The following ACYP2 variants were observed in gnomAD, a reference collection of about 807,000 sequenced individuals.
ACYP2 encodes the protein acylphosphatase 2.
Under a neutral mutation model 11.2 loss-of-function variants are expected in ACYP2, and 12 were observed. The observed-to-expected ratio is 1.08, with a 90% confidence interval of 0.69 to 1.74. The LOEUF is 1.74. Ranked by LOEUF, ACYP2 falls within the 40% of genes most tolerant of loss-of-function variation. The pLI, the probability that ACYP2 is intolerant of heterozygous loss-of-function variation, is 0.00. For synonymous variants in ACYP2, 43 were observed against 32.2 expected (o/e 1.33, Z -1.13); for missense variants, 134 against 101.9 (o/e 1.31, Z -1.35).
chr2:54,181,566 C>T (rs938451856), intron 6 of ACYP2, among the ~76,000 whole-genome samples: 9 of 152,140 alleles, frequency 5.9e-5, no homozygotes, highest in Non-Finnish European at 1.0e-4. Context: ...TATTAATTTC[C>T]TGTTAACTTT....
intron 6 of ACYP2, among the ~76,000 whole-genome samples, chr2:54,266,149 A>G (rs953936836): frequency 1.3e-5 from 2 of 152,242 alleles, no homozygotes; most frequent in African/African-American, 4.8e-5. Flanking sequence ...CAAAATAACA[A>G]TAATGGAAAC....
chr2:54,203,971 C>T (rs2103916313), intron 6 of ACYP2, among the ~76,000 whole-genome samples: 1 of 152,216 alleles, frequency 6.6e-6, no homozygotes, highest in East Asian at 1.9e-4. Context: ...TGTCTTAAAA[C>T]ATTATGAGGT....
chr2:54,071,021 G>T (rs770656247), intron 4 of ACYP2, among the ~76,000 whole-genome samples: 1 of 151,862 alleles, frequency 6.6e-6, no homozygotes, highest in Non-Finnish European at 1.5e-5. Context: ...CAAAGTGCTG[G>T]GATTACAGGC....
chr2:54,000,134 A>G (rs1672736244), intron 2 of ACYP2, among the ~76,000 whole-genome samples: 3 of 151,566 alleles, frequency 2.0e-5, no homozygotes, highest in Admixed American at 2.0e-4. Context: ...AAATTATATT[A>G]TTTTACTAAG....
chr2:54,019,431 C>T (rs1673878424), intron 2 of ACYP2, among the ~76,000 whole-genome samples: 1 of 151,694 alleles, frequency 6.6e-6, no homozygotes, highest in South Asian at 2.1e-4. Flanking sequence ...GGCTGGAATG[C>T]AGTGGTGCAA....
chr2:54,197,853 C>T lies in ACYP2; in HGVS notation c.404+59105C>T, dbSNP rs1345375119. Among the ~76,000 whole-genome samples, 4 of 152,146 alleles carry T rather than the reference C, an allele frequency of 2.6e-5. No homozygotes were observed. In the East Asian group the frequency reaches 7.7e-4, roughly 29 times the overall value. ...ATTTTATTGTGCGTACTTCTTCCTA[C>T]ACTGGAGGGTTTTAAGCAGGGTTCA... On this transcript the variant is annotated intron_variant, in intron 6 of 6. Coordinates refer to ENST00000607452, the MANE Select transcript of ACYP2 (RefSeq NM_001320586.2).
At chr2:54,052,052 A>G (rs1332121763) in intron 3 of ACYP2, among the ~76,000 whole-genome samples, 4 of 132,924 alleles carry the variant, frequency 3.0e-5, no homozygotes, top group African/African-American at 1.6e-4. Flanking sequence ...GTCTCAATAA[A>G]TAAATAAATA....
chr2:54,057,173 C>A (rs1676197158), intron 3 of ACYP2: 1 of 394,898 alleles, frequency 2.5e-6, no homozygotes, highest in Non-Finnish European at 4.5e-6. Context: ...CATAACTATG[C>A]AACCTGCCCT....
intron 6 of ACYP2, among the ~76,000 whole-genome samples, chr2:54,229,162 T>G (rs1432199198): frequency 6.6e-6 from 1 of 152,192 alleles, no homozygotes; most frequent in Non-Finnish European, 1.5e-5. Context: ...TTCCTAACTT[T>G]ACTAACATTA....
chr2:54,232,837 G>A (rs908585635), intron 6 of ACYP2, among the ~76,000 whole-genome samples: 3 of 152,038 alleles, frequency 2.0e-5, no homozygotes, highest in Admixed American at 6.5e-5. Context: ...CAGCAAGGGG[G>A]AAATCCGCCC....
In ACYP2 at chr2:54,140,512, G is replaced by A. The variant is rs185698422; in HGVS notation, c.404+1764G>A. Among the ~76,000 whole-genome samples, 48 of 118,516 alleles carry A rather than the reference G, an allele frequency of 4.1e-4. 1 individual carries two copies. The East Asian group carries it at 0.01, about 25-fold the overall frequency. 77.8% of individuals were successfully genotyped at this position (118,516 alleles called of 152,430 possible). A position where few individuals can be genotyped will look rare whatever the true frequency, so the allele number is the denominator to read the frequency against. ...TGTGTATTCTTCTGCTTGTCTCCAT[G>A]TTCACATTCTCTCTCTCACACACAC... On this transcript the variant is annotated intron_variant, in intron 6 of 6. Transcript: ENST00000607452.
At chr2:53,990,852 G>A (rs1222409792) in intron 2 of ACYP2, among the ~76,000 whole-genome samples, 17 of 151,314 alleles carry the variant, frequency 1.1e-4, no homozygotes, top group Admixed American at 1.1e-3. Flanking sequence ...GCTGGAGTGC[G>A]GTGGCGCGAT....
intron 2 of ACYP2, among the ~76,000 whole-genome samples, chr2:54,034,399 A>C (rs1483935842): frequency 6.6e-6 from 1 of 152,078 alleles, no homozygotes; most frequent in African/African-American, 2.4e-5. Flanking sequence ...TTTGTATTGT[A>C]CCTTTTCTGT....
chr2:54,075,510 A>AG (rs1677283698), intron 4 of ACYP2, among the ~76,000 whole-genome samples: 4 of 85,740 alleles, frequency 4.7e-5, no homozygotes, highest in Admixed American at 4.2e-4. Context: ...AATTAAAAAA[A>AG]AAAAGAAAGA....
chr2:53,993,359 C>CA (rs1672398171), intron 2 of ACYP2, among the ~76,000 whole-genome samples: 1 of 151,866 alleles, frequency 6.6e-6, no homozygotes. Flanking sequence ...GGGACACTCC[C>CA]ACTGTTGAAA....
chr2:54,157,186 T>G (rs1426799416), intron 6 of ACYP2, among the ~76,000 whole-genome samples: 1 of 152,158 alleles, frequency 6.6e-6, no homozygotes, highest in Non-Finnish European at 1.5e-5. Flanking sequence ...GTCCTATACA[T>G]TTTTTCCTAT....
intron 4 of ACYP2, among the ~76,000 whole-genome samples, chr2:54,080,699 G>C (rs2103664392): frequency 6.6e-6 from 1 of 152,126 alleles, no homozygotes; most frequent in South Asian, 2.1e-4. Flanking sequence ...ATGTTGACCA[G>C]GCTGGTCTCA....
chr2:54,267,214 A>G, intron 6 of ACYP2: 1 of 1,468,744 alleles, frequency 6.8e-7, no homozygotes, highest in Non-Finnish European at 9.1e-7. Flanking sequence ...GGGGCCTATA[A>G]AAGTGCCTGG....
At chr2:54,050,747 C>G (rs535191788) in intron 2 of ACYP2, among the ~76,000 whole-genome samples, 15 of 151,948 alleles carry the variant, frequency 9.9e-5, no homozygotes, top group Non-Finnish European at 1.9e-4. Context: ...TTTGATTGCA[C>G]TTATCAAATT....
Sources: allele counts gnomAD v4.1 joint callset (sites outside exome capture counted in the v4.1 genomes callset), GRCh38; gene constraint gnomAD v4.1.1; transcripts MANE v1.5; gene names NCBI Gene and HGNC (gene_info 2026-07-23, HGNC 2026-07-21).